The following AJAP1 variants were observed in gnomAD, a reference collection of about 807,000 sequenced individuals.
AJAP1 encodes the protein adherens junction-associated protein 1.
A neutral mutation model predicts 35.0 loss-of-function variants in AJAP1; 5 were observed. The observed-to-expected ratio is 0.14, with a 90% CI of 0.07 to 0.30. The LOEUF (loss-of-function observed/expected upper bound fraction) is 0.30. Ranked by LOEUF, AJAP1 falls within the 10% of genes least tolerant of loss-of-function variation. The pLI is 1.00. For missense variants in AJAP1, 586 were observed against 571.0 expected (o/e 1.03, Z -0.27); for synonymous variants, 284 against 249.3 (o/e 1.14, Z -1.31).
At chr1:4,781,822 C>G (rs867132697) in intron 5 of AJAP1, among the ~76,000 whole-genome samples, 7 of 152,300 alleles carry the variant, frequency 4.6e-5, no homozygotes, top group South Asian at 2.1e-4. Context: ...GGGGCTCTCA[C>G]TCAGCCAGGG....
chr1:4,776,674 A>G (rs1207010459), intron 5 of AJAP1, among the ~76,000 whole-genome samples: 1 of 152,180 alleles, frequency 6.6e-6, no homozygotes, highest in African/African-American at 2.4e-5. Context: ...ACCCCCCAGA[A>G]ATACTGTTGG....
At chr1:4,664,571 C>G (rs1370206511) in intron 1 of AJAP1, among the ~76,000 whole-genome samples, 1 of 152,150 alleles carries the variant, frequency 6.6e-6, no homozygotes, top group Middle Eastern at 3.2e-3. Flanking sequence ...CTGGGGGGCC[C>G]CGGTCATGCC....
At chr1:4,679,325 C>T (rs1639425887) in intron 1 of AJAP1, among the ~76,000 whole-genome samples, 1 of 152,032 alleles carries the variant, frequency 6.6e-6, no homozygotes, top group South Asian at 2.1e-4. Context: ...TGTCCCATGT[C>T]CCCAGCTACT....
intron 1 of AJAP1, among the ~76,000 whole-genome samples, chr1:4,660,642 ATG>A (rs562851915): frequency 6.6e-6 from 1 of 152,174 alleles, no homozygotes; most frequent in African/African-American, 2.4e-5. Context: ...ACGTGTGTGT[ATG>A]TGAGTATTTA....
chr1:4,661,910 AAT>A (rs1639006985), intron 1 of AJAP1, among the ~76,000 whole-genome samples: 2 of 152,366 alleles, frequency 1.3e-5, no homozygotes, highest in Non-Finnish European at 2.9e-5. Flanking sequence ...ATTAAAAATA[AAT>A]ATGTCACCAA....
At chr1:4,730,187 A>G (rs1640766055) in intron 2 of AJAP1, among the ~76,000 whole-genome samples, 1 of 152,224 alleles carries the variant, frequency 6.6e-6, no homozygotes, top group African/African-American at 2.4e-5. Flanking sequence ...GAAGATTTCC[A>G]TGATTGCTAA....
At chr1:4,676,042 CCTCT>C (rs1214322315) in intron 1 of AJAP1, among the ~76,000 whole-genome samples, 5 of 152,178 alleles carry the variant, frequency 3.3e-5, no homozygotes, top group African/African-American at 4.8e-5. Flanking sequence ...GCAGGGACGG[CCTCT>C]CTCTAGGTAG....
rs774409809 is a variant in AJAP1 at position 4,788,027 on chromosome 1, T to A, written c.*5542T>A. On this transcript the variant is annotated 3_prime_UTR_variant, in exon 6 of 6. Coordinates refer to ENST00000378191, the MANE Select transcript of AJAP1 (RefSeq NM_018836.4). ...TTATTTGTTTGTTTTCTAGTGTAAATAGCACAGCCCACATAAATGAGCGAA... is the reference window on the plus strand; with the variant it reads ...TTATTTGTTTGTTTTCTAGTGTAAAAAGCACAGCCCACATAAATGAGCGAA... 6.7e-6 allele frequency: 2 copies of A among 297,448 alleles called. No homozygotes were observed. Among genetic ancestry groups the A allele is most frequent in the Non-Finnish European group, 1.3e-5 (2 of 149,620 alleles). The allele number at this position is 297,448 out of a possible 1,614,324, so 18.4% of individuals were successfully genotyped here.
Position 4,790,565 on chromosome 1 carries a change from G to A in AJAP1, c.*8080G>A, listed in dbSNP as rs1314003785. 1 of 152,202 alleles carries A rather than the reference G, an allele frequency of 6.6e-6. No homozygotes were observed. Among genetic ancestry groups the A allele is most frequent in the East Asian group, 1.9e-4 (1 of 5,198 alleles). The allele number at this position is 152,202 out of a possible 1,614,324, so 9.4% of individuals were successfully genotyped here. A position where few individuals can be genotyped will look rare whatever the true frequency, so the allele number is the denominator to read the frequency against. On this transcript the variant is annotated 3_prime_UTR_variant, in exon 6 of 6. Transcript: ENST00000378191. Reference sequence around the variant, plus strand: ...GCCCACACCCTCCTTGAATTTAACTGCCACAATCTATCCGCAGATGTGTTT... The same window carrying A: ...GCCCACACCCTCCTTGAATTTAACTACCACAATCTATCCGCAGATGTGTTT...
At chr1:4,766,928 G>C (rs965563937) in intron 2 of AJAP1, among the ~76,000 whole-genome samples, 1 of 152,090 alleles carries the variant, frequency 6.6e-6, no homozygotes, top group African/African-American at 2.4e-5. Flanking sequence ...AGGTGTGAAG[G>C]CTTAGCTAGG....
chr1:4,727,893 A>C (rs1207183181), intron 2 of AJAP1, among the ~76,000 whole-genome samples: 1 of 152,246 alleles, frequency 6.6e-6, no homozygotes, highest in Non-Finnish European at 1.5e-5. Flanking sequence ...GCCTGGAAGA[A>C]GCTTGAAAGT....
At chr1:4,680,768 A>G (rs977932351) in intron 1 of AJAP1, among the ~76,000 whole-genome samples, 1 of 152,328 alleles carries the variant, frequency 6.6e-6, no homozygotes, top group Admixed American at 6.5e-5. Context: ...TTTCCATTCC[A>G]GTAAGAATGG....
Position 4,765,846 on chromosome 1 carries a change from C to G in AJAP1, c.830-4007C>G, listed in dbSNP as rs760944303. Among the ~76,000 whole-genome samples the G allele has an allele frequency of 6.2e-4, 95 of 152,130 alleles. 1 individual carries two copies. Among genetic ancestry groups the G allele is most frequent in the Admixed American group, 8.5e-4 (13 of 15,286 alleles). On this transcript the variant is annotated intron_variant, in intron 2 of 5. Coordinates refer to ENST00000378191, the MANE Select transcript of AJAP1 (RefSeq NM_018836.4). Reference sequence around the variant, plus strand: ...TCAAGTGGCTTCATATGGACAAACCCAGCAGGGTGAGGCCACTGCTGCTGG... The same window carrying G: ...TCAAGTGGCTTCATATGGACAAACCGAGCAGGGTGAGGCCACTGCTGCTGG...
At chr1:4,767,333 T>G (rs1456693334) in intron 2 of AJAP1, among the ~76,000 whole-genome samples, 1 of 151,824 alleles carries the variant, frequency 6.6e-6, no homozygotes, top group Admixed American at 6.6e-5. Flanking sequence ...ACTATCATTA[T>G]TACCATCACC....
At chr1:4,661,936 T>C (rs1192264094) in intron 1 of AJAP1, among the ~76,000 whole-genome samples, 1 of 152,204 alleles carries the variant, frequency 6.6e-6, no homozygotes, top group Non-Finnish European at 1.5e-5. Flanking sequence ...CAAGGAGGCC[T>C]CTATCGAGAG....
intron 2 of AJAP1, among the ~76,000 whole-genome samples, chr1:4,743,532 C>T (rs1557635954): frequency 6.6e-6 from 1 of 152,140 alleles, no homozygotes; most frequent in Non-Finnish European, 1.5e-5. Context: ...GCGTATGTGT[C>T]CGCGTTCATT....
chr1:4,709,402 G>T (rs1022724584), intron 1 of AJAP1, among the ~76,000 whole-genome samples: 1 of 152,020 alleles, frequency 6.6e-6, no homozygotes, highest in East Asian at 1.9e-4. Context: ...GTGGAGTGTG[G>T]TGGGGCCTGG....
intron 2 of AJAP1, among the ~76,000 whole-genome samples, chr1:4,730,005 C>A (rs1031981881): frequency 6.6e-6 from 1 of 152,122 alleles, no homozygotes; most frequent in Non-Finnish European, 1.5e-5. Flanking sequence ...GTAAGCAAAA[C>A]ATAGCTCTTA....
Position 4,654,640 on chromosome 1 carries a change from G to T in AJAP1, c.-786G>T, listed in dbSNP as rs1021540927. ...GAGGAGGGAGGCGGCTGAGCAGCGC[G>T]GGCGGCTCTGCGGCGGGCGCGGTGG... On this transcript the variant is annotated 5_prime_UTR_variant, in exon 1 of 6. Coordinates refer to ENST00000378191, the MANE Select transcript of AJAP1 (RefSeq NM_018836.4). The surrounding 1 kb of genome is among the most constrained non-coding windows in gnomAD (Gnocchi z 5.1). The T allele has an allele frequency of 2.7e-5, 4 of 149,760 alleles. No individual in the cohort carries two copies. Among genetic ancestry groups the T allele is most frequent in the South Asian group, 1.8e-4 (1 of 5,548 alleles). 9.3% of individuals were successfully genotyped at this position (149,760 alleles called of 1,614,324 possible). A position where few individuals can be genotyped will look rare whatever the true frequency, so the allele number is the denominator to read the frequency against.
Sources: allele counts gnomAD v4.1 joint callset (sites outside exome capture counted in the v4.1 genomes callset), GRCh38; gene constraint gnomAD v4.1.1; non-coding constraint Gnocchi (gnomAD v3.1); transcripts MANE v1.5; gene names NCBI Gene and HGNC (gene_info 2026-07-23, HGNC 2026-07-21).